The following TTC7B variants were observed in gnomAD, a reference collection of about 807,000 sequenced individuals.
TTC7B encodes the protein tetratricopeptide repeat protein 7B.
TTC7B carries 28 observed loss-of-function variants against 106.8 expected under a neutral mutation model. The ratio of observed to expected loss-of-function variants is 0.26; its 90% CI spans 0.19 to 0.36. TTC7B has a LOEUF of 0.36. Ranked by LOEUF, TTC7B falls within the 10% of genes least tolerant of loss-of-function variation. The pLI, the probability that TTC7B is intolerant of heterozygous loss-of-function variation, is 1.00. For synonymous variants in TTC7B, 405 were observed against 430.6 expected (o/e 0.94, Z 0.74); for missense variants, 862 against 1,076.4 (o/e 0.80, Z 2.79).
At chr14:90,607,475 C>A (rs1892691693) in intron 17 of TTC7B, among the ~76,000 whole-genome samples, 1 of 152,198 alleles carries the variant, frequency 6.6e-6, no homozygotes, top group Non-Finnish European at 1.5e-5. Context: ...TTCTCCCAGG[C>A]CACATTTGAT....
rs1892004154 is a variant in TTC7B, at chr14:90,592,559, ATT to A, written c.2107+925_2107+926del. Among the ~76,000 whole-genome samples, 4 of 152,124 alleles carry A rather than the reference ATT, an allele frequency of 2.6e-5. No homozygotes were observed. The South Asian group carries it at 8.3e-4, about 32-fold the overall frequency. ...CCCCGTCTCTACTAAAAACACAAAA[ATT>A]AGCTGGGCGTGGTGGTGGGCGCCTG... On this transcript the variant is annotated intron_variant, in intron 18 of 19. Transcript: ENST00000328459.
chr14:90,597,874 T>TA (rs1483403556), intron 17 of TTC7B, among the ~76,000 whole-genome samples: 1 of 152,194 alleles, frequency 6.6e-6, no homozygotes, highest in Non-Finnish European at 1.5e-5. Flanking sequence ...ATGAGAGCAC[T>TA]ATTAACTTAA....
chr14:90,738,888 G>A (rs1889648386), intron 4 of TTC7B, among the ~76,000 whole-genome samples: 1 of 152,088 alleles, frequency 6.6e-6, no homozygotes, highest in Admixed American at 6.6e-5. Flanking sequence ...AGTTGGGCAT[G>A]GTGGTGCGTG....
chr14:90,798,526 C>G (rs1175542748), intron 1 of TTC7B, among the ~76,000 whole-genome samples: 1 of 152,054 alleles, frequency 6.6e-6, no homozygotes, highest in Non-Finnish European at 1.5e-5. Flanking sequence ...GCCTGGCCAA[C>G]ATGGCAAAAC....
chr14:90,637,579 A>G (rs1884998885), intron 15 of TTC7B, among the ~76,000 whole-genome samples: 1 of 152,252 alleles, frequency 6.6e-6, no homozygotes, highest in African/African-American at 2.4e-5. Flanking sequence ...GGAAAAGAAT[A>G]GGCCTATTTT....
chr14:90,550,331 T>C (rs1317914613), intron 19 of TTC7B, among the ~76,000 whole-genome samples: 2 of 152,216 alleles, frequency 1.3e-5, no homozygotes, highest in African/African-American at 4.8e-5. Flanking sequence ...CACCTAAATG[T>C]TATGTCTCCA....
In TTC7B at chr14:90,649,284, C is replaced by T. The variant is rs150286373; in HGVS notation, c.1518-2261G>A. Among the ~76,000 whole-genome samples, 878 of 152,352 alleles carry T rather than the reference C, an allele frequency of 5.8e-3. 10 individuals carry two copies. The highest frequency in any genetic ancestry group is 0.02 in the African/African-American group (847 of 41,578). On this transcript the variant is annotated intron_variant, in intron 13 of 19. Transcript: ENST00000328459. Reference sequence around the variant, plus strand: ...CTAATGAATTCAACTGACCACTTCACCCTCTGAAGGAAATAAGGCAAATGC... The same window carrying T: ...CTAATGAATTCAACTGACCACTTCATCCTCTGAAGGAAATAAGGCAAATGC...
chr14:90,659,234 A>T (rs1404640931), intron 9 of TTC7B, among the ~76,000 whole-genome samples: 38 of 121,524 alleles, frequency 3.1e-4, no homozygotes, highest in African/African-American at 1.3e-3. Context: ...TGTGTGTGAG[A>T]GAGAGAGAGT....
At chr14:90,581,898 C>T (rs974687657) in intron 18 of TTC7B, among the ~76,000 whole-genome samples, 2 of 152,026 alleles carry the variant, frequency 1.3e-5, no homozygotes, top group African/African-American at 4.8e-5. Context: ...GAGACACAGA[C>T]GGAACGAAGT....
intron 18 of TTC7B, among the ~76,000 whole-genome samples, chr14:90,590,821 A>T (rs367697639): frequency 2.0e-5 from 3 of 152,348 alleles, no homozygotes; most frequent in African/African-American, 7.2e-5. Flanking sequence ...TTCCAAAAAG[A>T]TCCTAATTGA....
At chr14:90,554,166 T>A (rs1890204092) in intron 19 of TTC7B, among the ~76,000 whole-genome samples, 1 of 152,210 alleles carries the variant, frequency 6.6e-6, no homozygotes, top group Admixed American at 6.5e-5. Context: ...TAGAGAACCG[T>A]TGCTGGCAAT....
At chr14:90,813,190 A>C (rs1007886236) in intron 1 of TTC7B, among the ~76,000 whole-genome samples, 41 of 152,118 alleles carry the variant, frequency 2.7e-4, no homozygotes, top group Non-Finnish European at 3.8e-4. Flanking sequence ...CCCTATTTAA[A>C]CTAGTAGTTC....
At chr14:90,546,400 T>C (rs1889831376) in intron 19 of TTC7B, among the ~76,000 whole-genome samples, 1 of 152,248 alleles carries the variant, frequency 6.6e-6, no homozygotes, top group Non-Finnish European at 1.5e-5. Context: ...CTCCTGAGGT[T>C]GGCATGGAGC....
chr14:90,792,558 C>T, intron 1 of TTC7B, among the ~76,000 whole-genome samples: 1 of 152,068 alleles, frequency 6.6e-6, no homozygotes. Context: ...GCCTGGGCAG[C>T]AGAGCAAGAC....
intron 15 of TTC7B, among the ~76,000 whole-genome samples, chr14:90,631,192 G>C (rs1884687999): frequency 6.6e-6 from 1 of 152,096 alleles, no homozygotes; most frequent in African/African-American, 2.4e-5. Context: ...ACCTCATTTT[G>C]TTTAACCATT....
At chr14:90,778,928 G>A (rs1891121722) in intron 3 of TTC7B, among the ~76,000 whole-genome samples, 1 of 152,240 alleles carries the variant, frequency 6.6e-6, no homozygotes, top group South Asian at 2.1e-4. Flanking sequence ...CCCGGGCTGG[G>A]TCTTTGTTCA....
At chr14:90,769,448 A>G (rs539447197) in intron 3 of TTC7B, among the ~76,000 whole-genome samples, 2 of 152,326 alleles carry the variant, frequency 1.3e-5, no homozygotes, top group Non-Finnish European at 1.5e-5. Context: ...ACAGACATAA[A>G]TACGTTGAAA....
intron 19 of TTC7B, among the ~76,000 whole-genome samples, chr14:90,555,414 G>C (rs909678055): frequency 6.6e-6 from 1 of 152,190 alleles, no homozygotes; most frequent in East Asian, 1.9e-4. Flanking sequence ...GGGAAGGGGG[G>C]GGTGTTTGAT....
chr14:90,629,922 G>C, intron 15 of TTC7B, among the ~76,000 whole-genome samples: 1 of 152,170 alleles, frequency 6.6e-6, no homozygotes, highest in Non-Finnish European at 1.5e-5. Flanking sequence ...ACTAGAAAAG[G>C]GAACTTCCCT....
Sources: allele counts gnomAD v4.1 joint callset (sites outside exome capture counted in the v4.1 genomes callset), GRCh38; gene constraint gnomAD v4.1.1; transcripts MANE v1.5; gene names NCBI Gene and HGNC (gene_info 2026-07-23, HGNC 2026-07-21).